ALDH16A1: variants seen among roughly 807,000 people sequenced by gnomAD.
ALDH16A1 encodes the protein aldehyde dehydrogenase 16 family member A1.
Under a neutral mutation model 96.1 loss-of-function variants are expected in ALDH16A1, and 88 were observed. The observed-to-expected ratio is 0.92, with a 90% CI of 0.77 to 1.09. The LOEUF (loss-of-function observed/expected upper bound fraction) is 1.09. Ranked by LOEUF, ALDH16A1 falls within the 50% of genes least tolerant of loss-of-function variation. The pLI is 0.00. For missense variants in ALDH16A1, 1,250 were observed against 1,112.6 expected (o/e 1.12, Z -1.76); for synonymous variants, 522 against 496.4 (o/e 1.05, Z -0.69).
chr19:49,468,196 T>C lies in ALDH16A1; in HGVS notation c.1939-185T>C. On this transcript the variant is annotated intron_variant, in intron 14 of 16. Coordinates refer to ENST00000293350, the MANE Select transcript of ALDH16A1 (RefSeq NM_153329.4). The surrounding 1 kb of genome is among the most constrained non-coding windows in gnomAD (Gnocchi z 4.4). ...AAAAGAAAGGCGGTTATGCAGGATG[T>C]TTCTCACCGCCCGAACCCCCGTGGA... 1 of 573,938 alleles carries C rather than the reference T, an allele frequency of 1.7e-6. No homozygotes were observed. The highest frequency in any genetic ancestry group is 3.0e-6 in the Non-Finnish European group (1 of 331,720). The allele number at this position is 573,938 out of a possible 1,614,324, so 35.6% of individuals were successfully genotyped here. A position where few individuals can be genotyped will look rare whatever the true frequency, so the allele number is the denominator to read the frequency against.
intron 1 of ALDH16A1, among the ~76,000 whole-genome samples, chr19:49,456,097 C>T (rs1236103155): frequency 6.6e-6 from 1 of 152,180 alleles, no homozygotes; most frequent in Non-Finnish European, 1.5e-5. Context: ...ACCCTCTGGA[C>T]ATTCTTTTGG....
intron 2 of ALDH16A1, 23 bp downstream of exon 2, chr19:49,458,611 T>C (rs955584695): frequency 6.5e-7 from 1 of 1,549,444 alleles, no homozygotes; most frequent in Non-Finnish European, 8.7e-7. Context: ...CCCCAGTCAT[T>C]AGTGGAAGGG....
chr19:49,464,763 G>A lies in ALDH16A1; in HGVS notation c.1568+1G>A, dbSNP rs2079184661. ...CGGCTGGGCCTGAAATAGGGCCCAG[G>A]TGAGTCGTTGGGGGCCAGTGGTCTG... On this transcript the variant is annotated splice_donor_variant, in intron 12 of 16. Transcript: ENST00000293350. LOFTEE classifies it high-confidence loss of function. The A allele has an allele frequency of 6.2e-7, 1 of 1,613,840 alleles. No individual in the cohort carries two copies. Among genetic ancestry groups the A allele is most frequent in the South Asian group, 1.1e-5 (1 of 91,086 alleles).
chr19:49,467,633 A>G (rs1372560881), intron 14 of ALDH16A1, among the ~76,000 whole-genome samples: 2 of 150,338 alleles, frequency 1.3e-5, no homozygotes, highest in African/African-American at 4.9e-5. Context: ...TGACCTCGTG[A>G]TCCGCCCACC....
chr19:49,462,323 C>T lies in ALDH16A1; in HGVS notation c.913-247C>T, dbSNP rs59606966. Among the ~76,000 whole-genome samples, 66 of 152,076 alleles carry T rather than the reference C, an allele frequency of 4.3e-4. No homozygotes were observed. The East Asian group carries it at 0.012, about 27-fold the overall frequency. On this transcript the variant is annotated intron_variant, in intron 7 of 16. Transcript: ENST00000293350. Reference sequence around the variant, plus strand: ...CTAATTTATGTATTTTTAGTAGAGACGGGGTTTCACCATGTTGGCCAGGCT... The same window carrying T: ...CTAATTTATGTATTTTTAGTAGAGATGGGGTTTCACCATGTTGGCCAGGCT...
rs781184283 is a variant in ALDH16A1 at position 49,468,336 on chromosome 19, G to C, written c.1939-45G>C. On this transcript the variant is annotated intron_variant, in intron 14 of 16. Coordinates refer to ENST00000293350, the MANE Select transcript of ALDH16A1 (RefSeq NM_153329.4). The surrounding 1 kb of genome is among the most constrained non-coding windows in gnomAD (Gnocchi z 4.4). ...AGGAACTGGATCTCTCATTTACTGC[G>C]GGCGGGGCTCCCCTGCCCCACACGT... The C allele has an allele frequency of 6.4e-7, 1 of 1,574,266 alleles. No homozygotes were observed. The highest frequency in any genetic ancestry group is 8.6e-7 in the Non-Finnish European group (1 of 1,164,242).
rs1413190719 is a variant in ALDH16A1, at chr19:49,459,680, G to A, written c.331G>A (p.Val111Met). 1 of 1,607,566 alleles carries A rather than the reference G, an allele frequency of 6.2e-7. No homozygotes were observed. Among genetic ancestry groups the A allele is most frequent in the African/African-American group, 1.3e-5 (1 of 74,676 alleles). The change falls in exon 4 of 17, where the codon GTG becomes ATG. Residue 111 changes from valine (V) to methionine (M), a missense_variant. Coordinates refer to ENST00000293350, the MANE Select transcript of ALDH16A1 (RefSeq NM_153329.4). This position sits in a 1 kb window ranked among gnomAD's most constrained non-coding sequence, Gnocchi z 4.1. ...RAQHLTRLAE[V>M]IQKHQRLLWT... ...TTGCTTTCTCGACAGGCTGGCCGAG[G>A]TGATCCAGAAGCACCAGCGGCTGCT...
rs2079150134 is a variant in ALDH16A1, at chr19:49,461,802, T to G, written c.759+2T>G. 6.2e-7 allele frequency: 1 copy of G among 1,609,692 alleles called. No individual in the cohort carries two copies. The highest frequency in any genetic ancestry group is 8.5e-7 in the Non-Finnish European group (1 of 1,178,286). ...GTGGCCTTCTGCGGAGCCCCGGAGGTACCTTCGGGACAGGGGTCGTGGCGG... is the reference window on the plus strand; with the variant it reads ...GTGGCCTTCTGCGGAGCCCCGGAGGGACCTTCGGGACAGGGGTCGTGGCGG... On this transcript the variant is annotated splice_donor_variant, in intron 6 of 16. Transcript: ENST00000293350. LOFTEE classifies it high-confidence loss of function.
rs755745021 is a variant in ALDH16A1 at position 49,459,634 on chromosome 19, C to G, written c.321-36C>G. 1 of 1,574,212 alleles carries G rather than the reference C, an allele frequency of 6.4e-7. No homozygotes were observed. The highest frequency in any genetic ancestry group is 8.6e-7 in the Non-Finnish European group (1 of 1,160,892). ...CCCAGGACTCTGCAAGGCTGAGGGCCGTTGGAAAATGAGCACCCTCTTGCT... is the reference window on the plus strand; with the variant it reads ...CCCAGGACTCTGCAAGGCTGAGGGCGGTTGGAAAATGAGCACCCTCTTGCT... On this transcript the variant is annotated intron_variant, in intron 3 of 16. Coordinates refer to ENST00000293350, the MANE Select transcript of ALDH16A1 (RefSeq NM_153329.4). The surrounding 1 kb of genome is among the most constrained non-coding windows in gnomAD (Gnocchi z 4.1).
chr19:49,464,359 C>CG, intron 10 of ALDH16A1, 58 bp from the exon 11 acceptor site: 1 of 1,561,688 alleles, frequency 6.4e-7, no homozygotes. Flanking sequence ...TAACTCACCC[C>CG]TCTCCCGGCC....
At chr19:49,454,828 A>G (rs2079095175) in intron 1 of ALDH16A1, among the ~76,000 whole-genome samples, 1 of 152,060 alleles carries the variant, frequency 6.6e-6, no homozygotes, top group Non-Finnish European at 1.5e-5. Context: ...ACTAAAATAC[A>G]AAACATTGGG....
chr19:49,462,704 A>G lies in ALDH16A1; in HGVS notation c.1047A>G (p.Ala349=), dbSNP rs927458116. ...ACATGGGGGCCCGGGGGGCTGCCGC[A>G]TGTGACCTGGTCCAGCGCTTTGTGC... The part of the protein sequence containing the change: ...AVDMGARGAA[A]CDLVQRFVRE... The change falls in exon 8 of 17, where the codon GCA becomes GCG. Residue 349 remains alanine, a synonymous_variant. Transcript: ENST00000293350. The G allele has an allele frequency of 1.9e-6, 3 of 1,607,092 alleles. No individual in the cohort carries two copies. Among genetic ancestry groups the G allele is most frequent in the Non-Finnish European group, 1.7e-6 (2 of 1,177,690 alleles).
chr19:49,464,891 G>A (rs2079185660), intron 12 of ALDH16A1, 129 bp downstream of exon 12: 5 of 1,426,836 alleles, frequency 3.5e-6, no homozygotes, highest in African/African-American at 1.4e-5. Flanking sequence ...TGAGTACCAC[G>A]TTGTGGCCTC....
At chr19:49,458,665 C>T (rs2079119475) in intron 2 of ALDH16A1, 77 bp downstream of exon 2, 1 of 1,446,866 alleles carries the variant, frequency 6.9e-7, no homozygotes. Flanking sequence ...ACCCATTCCC[C>T]TTGCCTAGGG....
In ALDH16A1 at chr19:49,470,650, T is replaced by TTC. The variant is rs1243123357; in HGVS notation, c.*184_*185insCT. 1.2e-4 allele frequency: 38 copies of TTC among 320,738 alleles called. No individual in the cohort carries two copies. The highest frequency in any genetic ancestry group is 4.0e-4 in the Admixed American group (7 of 17,618). 19.9% of individuals were successfully genotyped at this position (320,738 alleles called of 1,614,324 possible). A position where few individuals can be genotyped will look rare whatever the true frequency, so the allele number is the denominator to read the frequency against. ...TCTGGCAGATATGAGGCTTTTTTCT[T>TTC]TTTTTTTTTTTTTTTTGAGACAACG... On this transcript the variant is annotated 3_prime_UTR_variant, in exon 17 of 17. Transcript: ENST00000293350.
chr19:49,470,235 C>G, intron 16 of ALDH16A1, 71 bp from the exon 17 acceptor site: 2 of 1,573,318 alleles, frequency 1.3e-6, no homozygotes, highest in Non-Finnish European at 1.7e-6. Context: ...TAACAGTCTT[C>G]ATCGCGGAGG....
chr19:49,464,278 C>A lies in ALDH16A1; in HGVS notation c.1331+15C>A, dbSNP rs781655331. On this transcript the variant is annotated intron_variant, in intron 10 of 16. Transcript: ENST00000293350. Reference sequence around the variant, plus strand: ...CTGGGCTATGGGTCAGTCTGCGTGGCCCGGGCGCTCACTCCTCTCCTCATT... The same window carrying A: ...CTGGGCTATGGGTCAGTCTGCGTGGACCGGGCGCTCACTCCTCTCCTCATT... 6.3e-7 allele frequency: 1 copy of A among 1,598,988 alleles called. No individual in the cohort carries two copies. Among genetic ancestry groups the A allele is most frequent in the Non-Finnish European group, 8.5e-7 (1 of 1,177,402 alleles).
At chr19:49,454,202 T>C (rs1224079013) in intron 1 of ALDH16A1, among the ~76,000 whole-genome samples, 2 of 151,964 alleles carry the variant, frequency 1.3e-5, no homozygotes, top group African/African-American at 2.4e-5. Context: ...TTTGTACTTT[T>C]TCTAGAGACA....
At chr19:49,454,034 T>TTGTTTTG (rs1555798672) in intron 1 of ALDH16A1, among the ~76,000 whole-genome samples, 3 of 148,284 alleles carry the variant, frequency 2.0e-5, no homozygotes, top group African/African-American at 7.5e-5. Context: ...TTTTTTTGTT[T>TTGTTTTG]TTTTTTTTGA....
Sources: allele counts gnomAD v4.1 joint callset (sites outside exome capture counted in the v4.1 genomes callset), GRCh38; gene constraint gnomAD v4.1.1; non-coding constraint Gnocchi (gnomAD v3.1); transcripts MANE v1.5; gene names NCBI Gene and HGNC (gene_info 2026-07-23, HGNC 2026-07-21).